METTL18: variants seen among roughly 807,000 people sequenced by gnomAD.
METTL18 encodes the protein methyltransferase 18, RPL3 N3(tau)-histidine.
A neutral mutation model predicts 19.6 loss-of-function variants in METTL18; 15 were observed. The ratio of observed to expected loss-of-function variants is 0.77; its 90% CI spans 0.51 to 1.18. The LOEUF is 1.18. Ranked by LOEUF, METTL18 falls within the 50% of genes most tolerant of loss-of-function variation. METTL18 has a pLI of 0.00. For synonymous variants in METTL18, 131 were observed against 145.2 expected, an observed-to-expected ratio of 0.90 and a Z score of 0.70; for missense variants, 392 against 418.8, an observed-to-expected ratio of 0.94 and a Z score of 0.56.
In METTL18 at chr1:169,793,601, T is replaced by G. The variant is rs1441485975; in HGVS notation, c.95A>C (p.Glu32Ala). 2.5e-6 allele frequency: 4 copies of G among 1,614,182 alleles called. No homozygotes were observed. Among genetic ancestry groups the G allele is most frequent in the Non-Finnish European group, 3.4e-6 (4 of 1,180,028 alleles). ...TTTTTGACTTTCTGAGACTGACAGC[T>G]CTTTTGAGGAATCCAGGGTCAAAGC... ...DGALTLDSSK[E>A]LSVSESQKGE... The change falls in exon 2 of 2, where the codon GAG becomes GCG. Residue 32 changes from glutamate to alanine, a missense_variant. Physicochemically the swap from Glu to Ala is moderately radical, Grantham distance 107 (BLOSUM62 -1). Transcript: ENST00000310392.
chr1:169,794,177 G>T (rs551898052), intron 1 of METTL18, among the ~76,000 whole-genome samples: 7 of 152,308 alleles, frequency 4.6e-5, no homozygotes, highest in African/African-American at 1.4e-4. Flanking sequence ...TAAAGTCCAA[G>T]ATATTCAGAC....
chr1:169,793,217 C>T lies in METTL18; in HGVS notation c.479G>A (p.Gly160Asp). 2 of 1,614,142 alleles carry T rather than the reference C, an allele frequency of 1.2e-6. No individual in the cohort carries two copies. The highest frequency in any genetic ancestry group is 1.7e-6 in the Non-Finnish European group (2 of 1,180,036). Residue 160 changes from glycine (G) to aspartate (D), a missense_variant, in exon 2 of 2, where the codon GGT (glycine) becomes GAT (aspartate). Transcript: ENST00000310392. ...GATTTTTAAGCCTCCCTCATAAACA[C>T]CTGTAATCAGATCAGAGTGAGAAGA... ...SFSSHSDLIT[G>D]VYEGGLKIWE...
Position 169,793,154 on chromosome 1 carries a change from T to G in METTL18, c.542A>C (p.Lys181Thr). 1 of 1,614,232 alleles carries G rather than the reference T, an allele frequency of 6.2e-7. No homozygotes were observed. Among genetic ancestry groups the G allele is most frequent in the Non-Finnish European group, 8.5e-7 (1 of 1,180,038 alleles). ...CTFDLLAYFT[K>T]AKVKFAGKKV... ...TTTCCCAGCAAATTTCACTTTGGCC[T>G]TTGTGAAATAAGCCAGGAGGTCAAA... Residue 181 changes from lysine to threonine, a missense_variant, in exon 2 of 2, where the codon AAG (lysine) becomes ACG (threonine). Physicochemically the swap from Lys to Thr is moderately conservative, Grantham distance 78. Coordinates refer to ENST00000310392, the MANE Select transcript of METTL18 (RefSeq NM_033418.4).
Position 169,793,319 on chromosome 1 carries a change from T to C in METTL18, c.377A>G (p.His126Arg), listed in dbSNP as rs936927190. 1 of 1,614,184 alleles carries C rather than the reference T, an allele frequency of 6.2e-7. No homozygotes were observed. The highest frequency in any genetic ancestry group is 1.3e-5 in the African/African-American group (1 of 75,044). Residue 126 changes from histidine (H) to arginine (R), a missense_variant, in exon 2 of 2, where the codon CAT becomes CGT. Transcript: ENST00000310392. ...KVIETLPGFQ[H>R]VKLSVVKTIL... ...GGTTTTCACTACTGATAACTTAACA[T>C]GCTGGAAACCTGGTAATGTTTCTAT...
In METTL18 at chr1:169,792,843, C is replaced by T. The variant is rs781676713; in HGVS notation, c.853G>A (p.Val285Ile). 8 of 1,613,702 alleles carry T rather than the reference C, an allele frequency of 5.0e-6. No homozygotes were observed. In the African/African-American group the frequency reaches 1.1e-4, roughly 22 times the overall value. Residue 285 changes from valine (V) to isoleucine (I), a missense_variant, in exon 2 of 2, where the codon GTA becomes ATA. Transcript: ENST00000310392. ...GAGGTGAGAATGAGATCATATTTTA[C>T]AAAAAGTTTTTCACTACTTAGTACA... Reference protein sequence around the residue: ...KLVLSSEKLFVKYDLILTSET... With the variant: ...KLVLSSEKLFIKYDLILTSET...
At position 169,793,467 on chromosome 1, in the gene METTL18, T is replaced by C. The variant is rs1422225759; in HGVS notation, c.229A>G (p.Ser77Gly). 4.3e-6 allele frequency: 7 copies of C among 1,614,092 alleles called. No homozygotes were observed. In the African/African-American group the frequency reaches 9.3e-5, roughly 22 times the overall value. Reference sequence around the variant, plus strand: ...GAACTGCTGGCTGCACTGAGTGGACTGTCTGTGTCTTGAGAGGGAGCTGCA... The same window carrying C: ...GAACTGCTGGCTGCACTGAGTGGACCGTCTGTGTCTTGAGAGGGAGCTGCA... ...ENAAPSQDTD[S>G]PLSAASSSRN... The change falls in exon 2 of 2, where the codon AGT becomes GGT. Residue 77 changes from serine to glycine, a missense_variant. Physicochemically the swap from Ser to Gly is moderately conservative, Grantham distance 56. Transcript: ENST00000310392.
chr1:169,792,557 G>T lies in METTL18; in HGVS notation c.*20C>A. On this transcript the variant is annotated 3_prime_UTR_variant, in exon 2 of 2. Transcript: ENST00000310392. ...TTGGTCCTTCTGTTTATTTCATTTT[G>T]GATACTCAGTGAATGTTAATTAACC... 3 of 1,489,296 alleles carry T rather than the reference G, an allele frequency of 2.0e-6. No homozygotes were observed. The highest frequency in any genetic ancestry group is 2.9e-5 in the South Asian group (2 of 68,370). 92.3% of individuals were successfully genotyped at this position (1,489,296 alleles called of 1,614,324 possible). A position where few individuals can be genotyped will look rare whatever the true frequency, so the allele number is the denominator to read the frequency against.
rs755738515 is a variant in METTL18 at position 169,793,425 on chromosome 1, G to C, written c.271C>G (p.His91Asp). ...AASSSRNLEPHGKQPSLRAAK... is the reference protein window; with the variant it reads ...AASSSRNLEPDGKQPSLRAAK... Reference sequence around the variant, plus strand: ...GCTCTCAAGGAGGGCTGTTTTCCATGTGGCTCCAAGTTCCTTGAACTGCTG... The same window carrying C: ...GCTCTCAAGGAGGGCTGTTTTCCATCTGGCTCCAAGTTCCTTGAACTGCTG... Residue 91 changes from histidine to aspartate, a missense_variant, in exon 2 of 2, where the codon CAT becomes GAT. Transcript: ENST00000310392. 6.2e-7 allele frequency: 1 copy of C among 1,614,134 alleles called. No homozygotes were observed. The highest frequency in any genetic ancestry group is 8.5e-7 in the Non-Finnish European group (1 of 1,180,004).
Position 169,793,583 on chromosome 1 carries a change from C to T in METTL18, c.113G>A (p.Ser38Asn). 6.2e-7 allele frequency: 1 copy of T among 1,614,162 alleles called. No homozygotes were observed. The highest frequency in any genetic ancestry group is 8.5e-7 in the Non-Finnish European group (1 of 1,180,014). The change falls in exon 2 of 2, where the codon AGT becomes AAT. Residue 38 changes from serine (S) to asparagine (N), a missense_variant. Coordinates refer to ENST00000310392, the MANE Select transcript of METTL18 (RefSeq NM_033418.4). Reference protein sequence around the residue: ...DSSKELSVSESQKGEERDRKC... With the variant: ...DSSKELSVSENQKGEERDRKC... ...TCTGTCCCTCTCTTCTCCTTTTTGA[C>T]TTTCTGAGACTGACAGCTCTTTTGA...
rs781299878 is a variant in METTL18, at chr1:169,793,701, T to C, written c.-6A>G. ...AAATTAAACTGAAAGGTCATCCTCT[T>C]ATTAAATGCACACAATCTTTAAATT... On this transcript the variant is annotated 5_prime_UTR_variant, in exon 2 of 2. In the 5' UTR this introduces an upstream ATG that the reference lacks. Transcript: ENST00000310392. The C allele has an allele frequency of 1.9e-6, 3 of 1,564,784 alleles. No individual in the cohort carries two copies. The Admixed American group carries it at 5.9e-5, about 31-fold the overall frequency.
chr1:169,793,587 C>T lies in METTL18; in HGVS notation c.109G>A (p.Glu37Lys), dbSNP rs368584829. Residue 37 changes from glutamate (E) to lysine (K), a missense_variant, in exon 2 of 2, where the codon GAA becomes AAA. Transcript: ENST00000310392. ...LDSSKELSVS[E>K]SQKGEERDRK... ...TCCCTCTCTTCTCCTTTTTGACTTT[C>T]TGAGACTGACAGCTCTTTTGAGGAA... The T allele has an allele frequency of 8.6e-5, 139 of 1,614,060 alleles. No homozygotes were observed. Among genetic ancestry groups the T allele is most frequent in the Non-Finnish European group, 1.2e-4 (136 of 1,180,020 alleles).
Position 169,793,905 on chromosome 1 carries a change from G to GAA in METTL18, c.-202-10_-202-9dup, listed in dbSNP as rs71713237. ...TCCTCTTTCCAAGCAGCTCTGGAAAGAAAAAAAAAAAAAAAAGAAAGAAAA... is the reference window on the plus strand; with the variant it reads ...TCCTCTTTCCAAGCAGCTCTGGAAAGAAAAAAAAAAAAAAAAAAGAAAGAAAA... On this transcript the variant is annotated splice_polypyrimidine_tract_variant and intron_variant, in intron 1 of 1. Coordinates refer to ENST00000310392, the MANE Select transcript of METTL18 (RefSeq NM_033418.4). 1.0e-3 allele frequency: 227 copies of GAA among 221,204 alleles called. No homozygotes were observed. Among genetic ancestry groups the GAA allele is most frequent in the East Asian group, 1.3e-3 (18 of 14,050 alleles). 13.7% of individuals were successfully genotyped at this position (221,204 alleles called of 1,614,324 possible). A position where few individuals can be genotyped will look rare whatever the true frequency, so the allele number is the denominator to read the frequency against.
Position 169,792,727 on chromosome 1 carries a change from G to C in METTL18, c.969C>G (p.Ser323Arg), listed in dbSNP as rs1650163561. 1 of 1,613,698 alleles carries C rather than the reference G, an allele frequency of 6.2e-7. No homozygotes were observed. The highest frequency in any genetic ancestry group is 1.3e-5 in the African/African-American group (1 of 74,902). ...CACCTACACCAAAATAATGTGCTTT[G>C]CTGGCCAAAAGTACACGTCCATTTT... ...LSKNGRVLLA[S>R]KAHYFGVGGG... The change falls in exon 2 of 2, where the codon AGC (serine) becomes AGG (arginine). Residue 323 changes from serine (S) to arginine (R), a missense_variant. By Grantham distance (110) the Ser-to-Arg change is moderately radical. Coordinates refer to ENST00000310392, the MANE Select transcript of METTL18 (RefSeq NM_033418.4).
Position 169,792,886 on chromosome 1 carries a change from C to T in METTL18, c.810G>A (p.Trp270Ter), listed in dbSNP as rs1166700322. 6 of 1,613,984 alleles carry T rather than the reference C, an allele frequency of 3.7e-6. No homozygotes were observed. Among genetic ancestry groups the T allele is most frequent in the African/African-American group, 2.7e-5 (2 of 74,916 alleles). ...TTAGTACAAGCTTACAAAACTCAGA[C>T]CACTCACCAGAAAAAAATCGGCATT... ...LYKCRFFSGE[W>*]SEFCKLVLSS... The change falls in exon 2 of 2, where the codon TGG becomes TGA. Residue 270 changes from tryptophan (W) to a stop codon, truncating the protein, a stop_gained. Transcript: ENST00000310392. LOFTEE classifies it high-confidence loss of function.
Position 169,793,902 on chromosome 1 carries a change from AAAG to A in METTL18, c.-202-8_-202-6del. On this transcript the variant is annotated splice_region_variant and splice_polypyrimidine_tract_variant and intron_variant, in intron 1 of 1. Coordinates refer to ENST00000310392, the MANE Select transcript of METTL18 (RefSeq NM_033418.4). ...TGGTCCTCTTTCCAAGCAGCTCTGG[AAAG>A]AAAAAAAAAAAAAAAAGAAAGAAAA... is the stretch of plus-strand genomic sequence containing the variant. 4 of 417,624 alleles carry A rather than the reference AAAG, an allele frequency of 9.6e-6. No homozygotes were observed. The highest frequency in any genetic ancestry group is 3.6e-5 in the East Asian group (1 of 27,500). The allele number at this position is 417,624 out of a possible 1,614,324, so 25.9% of individuals were successfully genotyped here. A position where few individuals can be genotyped will look rare whatever the true frequency, so the allele number is the denominator to read the frequency against.
At position 169,794,865 on chromosome 1, in the gene METTL18, C is replaced by G; in HGVS notation, c.-253G>C. 1.9e-6 allele frequency: 1 copy of G among 514,032 alleles called. No homozygotes were observed. Among genetic ancestry groups the G allele is most frequent in the East Asian group, 3.3e-5 (1 of 30,192 alleles). The allele number at this position is 514,032 out of a possible 1,614,324, so 31.8% of individuals were successfully genotyped here. On this transcript the variant is annotated 5_prime_UTR_variant, in exon 1 of 2. Transcript: ENST00000310392. ...TCCTGGGATCGCGCTTCTGAAAAAG[C>G]TCACCTCACAACGCCTCCTCCGGAC...
At position 169,792,970 on chromosome 1, in the gene METTL18, A is replaced by G. The variant is rs757555146; in HGVS notation, c.726T>C (p.Asn242=). Residue 242 remains asparagine, a synonymous_variant, in exon 2 of 2, where the codon AAT becomes AAC. Transcript: ENST00000310392. ...VANSTLEDEE[N]DVNEPDVKRC... Reference sequence around the variant, plus strand: ...TTTTCACATCTGGCTCATTTACATCATTTTCTTCATCTTCCAAAGTGGAGT... The same window carrying G: ...TTTTCACATCTGGCTCATTTACATCGTTTTCTTCATCTTCCAAAGTGGAGT... The G allele has an allele frequency of 6.2e-7, 1 of 1,613,910 alleles. No individual in the cohort carries two copies. Among genetic ancestry groups the G allele is most frequent in the Admixed American group, 1.7e-5 (1 of 60,006 alleles).
chr1:169,794,669 T>C (rs1010059911), intron 1 of METTL18, 146 bp downstream of exon 1: 1 of 162,508 alleles, frequency 6.2e-6, no homozygotes, highest in African/African-American at 2.4e-5. Flanking sequence ...GTCCCGCGGC[T>C]AGGAACGCGC....
chr1:169,793,610 G>A lies in METTL18; in HGVS notation c.86C>T (p.Ser29Phe), dbSNP rs1650255526. Residue 29 changes from serine to phenylalanine, a missense_variant, in exon 2 of 2, where the codon TCC (serine) becomes TTC (phenylalanine). Transcript: ENST00000310392. ...TTCTGAGACTGACAGCTCTTTTGAG[G>A]AATCCAGGGTCAAAGCTCCATCTCT... is the stretch of plus-strand genomic sequence containing the variant. ...PIRDGALTLD[S>F]SKELSVSESQ... 6.2e-7 allele frequency: 1 copy of A among 1,614,160 alleles called. No individual in the cohort carries two copies. The highest frequency in any genetic ancestry group is 8.5e-7 in the Non-Finnish European group (1 of 1,180,030).
Sources: gnomAD v4.1 joint callset for allele counts (sites outside exome capture counted in the v4.1 genomes callset) on GRCh38, gnomAD v4.1.1 for gene constraint, MANE v1.5 for transcripts, NCBI Gene and HGNC (gene_info 2026-07-23, HGNC 2026-07-21) for gene names.